The following FBXO34 variants were observed in gnomAD, a reference collection of about 807,000 sequenced individuals.
FBXO34 encodes the protein F-box protein 34.
Under a neutral mutation model 24.5 loss-of-function variants are expected in FBXO34, and 12 were observed. The ratio of observed to expected loss-of-function variants is 0.49; its 90% CI spans 0.31 to 0.79. The LOEUF (loss-of-function observed/expected upper bound fraction) is 0.79. Ranked by LOEUF, FBXO34 falls within the 30% of genes least tolerant of loss-of-function variation. The pLI, the probability that FBXO34 is intolerant of heterozygous loss-of-function variation, is 0.04. For missense variants in FBXO34, 823 were observed against 857.7 expected, an observed-to-expected ratio of 0.96 and a Z score of 0.51; for synonymous variants, 320 against 311.9, an observed-to-expected ratio of 1.03 and a Z score of -0.27.
chr14:55,438,964 G>A, the FBXO34 span: 1 of 140,750 alleles, frequency 7.1e-6, no homozygotes, highest in Non-Finnish European at 1.5e-5. Context: ...TTGAGACGGA[G>A]TCTCACTCTG....
At chr14:55,412,498 C>T in the FBXO34 span, among the ~76,000 whole-genome samples, 4 of 152,178 alleles carry the variant, frequency 2.6e-5, no homozygotes, top group Admixed American at 2.6e-4. Flanking sequence ...TACCCTGGGC[C>T]ATGCTCTAAG....
At chr14:55,397,839 A>T in the FBXO34 span, among the ~76,000 whole-genome samples, 1 of 152,182 alleles carries the variant, frequency 6.6e-6, no homozygotes, top group Admixed American at 6.5e-5. Flanking sequence ...ATAAATTTTT[A>T]AAAATTGTAG....
the FBXO34 span, chr14:55,433,507 A>G: frequency 1.1e-6 from 1 of 894,144 alleles, no homozygotes; most frequent in Non-Finnish European, 1.8e-6. Flanking sequence ...TTCATTGAAT[A>G]AAGTCTTCAG....
At chr14:55,346,351 G>C (rs1884159536) in intron 1 of FBXO34, among the ~76,000 whole-genome samples, 1 of 152,186 alleles carries the variant, frequency 6.6e-6, no homozygotes, top group South Asian at 2.1e-4. Flanking sequence ...ATAAAGAGTG[G>C]CACAGTTTAG....
the FBXO34 span, among the ~76,000 whole-genome samples, chr14:55,422,873 AAAC>A: frequency 6.6e-6 from 1 of 152,170 alleles, no homozygotes; most frequent in Non-Finnish European, 1.5e-5. Context: ...ACAAACAAAC[AAAC>A]AACAATATAT....
downstream of FBXO34, among the ~76,000 whole-genome samples, chr14:55,363,979 T>C (rs1884628543): frequency 6.6e-6 from 1 of 151,952 alleles, no homozygotes; most frequent in African/African-American, 2.4e-5. Flanking sequence ...AGTTTCGCTC[T>C]TGTTGCCCAG....
At chr14:55,299,500 A>T (rs904185334) in intron 1 of FBXO34, among the ~76,000 whole-genome samples, 1 of 152,174 alleles carries the variant, frequency 6.6e-6, no homozygotes, top group South Asian at 2.1e-4. Context: ...AATCCAAAAA[A>T]AAAGCAAATT....
chr14:55,427,463 C>T, the FBXO34 span, among the ~76,000 whole-genome samples: 1 of 152,072 alleles, frequency 6.6e-6, no homozygotes, highest in East Asian at 1.9e-4. Flanking sequence ...TTAGGGAAAG[C>T]ACAGCAATAT....
At chr14:55,437,069 TG>T in the FBXO34 span, 1 of 1,519,596 alleles carries the variant, frequency 6.6e-7, no homozygotes, top group South Asian at 1.1e-5. Context: ...CAGAACAGCA[TG>T]TTACACAAAA....
chr14:55,336,786 A>G (rs982701305), intron 1 of FBXO34, among the ~76,000 whole-genome samples: 1 of 151,828 alleles, frequency 6.6e-6, no homozygotes, highest in Non-Finnish European at 1.5e-5. Flanking sequence ...TGAGGACTCA[A>G]AAATGCATAC....
At chr14:55,338,218 T>G (rs1233775111) in intron 1 of FBXO34, among the ~76,000 whole-genome samples, 1 of 151,324 alleles carries the variant, frequency 6.6e-6, no homozygotes, top group Non-Finnish European at 1.5e-5. Context: ...CCCAGCTAAT[T>G]TTTTGTATTT....
intron 1 of FBXO34, among the ~76,000 whole-genome samples, chr14:55,288,544 G>C (rs1387212481): frequency 6.6e-6 from 1 of 152,124 alleles, no homozygotes; most frequent in Non-Finnish European, 1.5e-5. Flanking sequence ...CGGCCTGTTT[G>C]ATACATTTCT....
At chr14:55,383,220 C>T in the FBXO34 span, among the ~76,000 whole-genome samples, 2 of 151,858 alleles carry the variant, frequency 1.3e-5, no homozygotes, top group East Asian at 3.8e-4. Flanking sequence ...TTGAACTAAC[C>T]GAGGACTGAA....
Position 55,283,982 on chromosome 14 carries a change from G to GTGTGTC in FBXO34, c.-11+12450_-11+12451insCTGTGT, listed in dbSNP as rs1555334944. ...TGTGTGTGTGTGTGTGTGTCTGTGT[G>GTGTGTC]TGTGTGTATGTGTATGTATGTGTAT... is the stretch of plus-strand genomic sequence containing the variant. On this transcript the variant is annotated intron_variant, in intron 1 of 1. Coordinates refer to ENST00000313833, the MANE Select transcript of FBXO34 (RefSeq NM_017943.4). 3.3e-3 allele frequency among the ~76,000 whole-genome samples: 498 copies of GTGTGTC among 149,900 alleles called. 1 individual carries two copies. Among genetic ancestry groups the GTGTGTC allele is most frequent in the African/African-American group, 0.011 (454 of 40,028 alleles).
the FBXO34 span, among the ~76,000 whole-genome samples, chr14:55,431,490 C>A: frequency 6.6e-6 from 1 of 152,184 alleles, no homozygotes; most frequent in South Asian, 2.1e-4. Context: ...TACAATTTTA[C>A]TTTATGACTT....
At chr14:55,284,162 G>C (rs1264229535) in intron 1 of FBXO34, among the ~76,000 whole-genome samples, 1 of 152,044 alleles carries the variant, frequency 6.6e-6, no homozygotes, top group Non-Finnish European at 1.5e-5. Flanking sequence ...ACCATGCCTA[G>C]TGCTAATTGC....
At chr14:55,306,453 C>T (rs545521814) in intron 1 of FBXO34, among the ~76,000 whole-genome samples, 3 of 152,212 alleles carry the variant, frequency 2.0e-5, no homozygotes, top group Non-Finnish European at 4.4e-5. Flanking sequence ...TTGAAAATTA[C>T]ATGATGTCAG....
At chr14:55,370,512 T>C (rs200043542), downstream of FBXO34, among the ~76,000 whole-genome samples, 2 of 152,168 alleles carry the variant, frequency 1.3e-5, no homozygotes, top group East Asian at 3.8e-4. Flanking sequence ...GAGAAAACAA[T>C]TTTTATTTCT....
chr14:55,396,845 T>TC, the FBXO34 span, among the ~76,000 whole-genome samples: 3 of 150,510 alleles, frequency 2.0e-5, no homozygotes, highest in East Asian at 1.9e-4. Flanking sequence ...TTCCCACCAT[T>TC]CCCCCCCACA....
Sources: allele counts gnomAD v4.1 joint callset (sites outside exome capture counted in the v4.1 genomes callset), GRCh38; gene constraint gnomAD v4.1.1; transcripts MANE v1.5; gene names NCBI Gene and HGNC (gene_info 2026-07-23, HGNC 2026-07-21).